DOCK4: variants seen among roughly 807,000 people sequenced by gnomAD.
The protein encoded by DOCK4 is dedicator of cytokinesis protein 4.
In DOCK4, 97 loss-of-function variants were observed where a neutral mutation model predicts 268.1. That is an observed-to-expected ratio of 0.36 (90% CI 0.31 to 0.43). The LOEUF is 0.43. DOCK4 is among the 20% of genes least tolerant of loss of function. DOCK4 has a pLI of 1.00. For missense variants in DOCK4, 2,145 were observed against 2,455.7 expected, an observed-to-expected ratio of 0.87 and a Z score of 2.67; for synonymous variants, 954 against 887.2, an observed-to-expected ratio of 1.08 and a Z score of -1.34.
intron 25 of DOCK4, among the ~76,000 whole-genome samples, chr7:111,835,950 T>C (rs1448927366): frequency 6.6e-6 from 1 of 152,176 alleles, no homozygotes; most frequent in East Asian, 1.9e-4. Flanking sequence ...TATACATTTT[T>C]TAGGGTAAAT....
chr7:111,729,600 T>C (rs17158765), intron 52 of DOCK4, among the ~76,000 whole-genome samples: 2,113 of 152,156 alleles, frequency 0.014, 26 homozygotes, highest in African/African-American at 0.026. Flanking sequence ...ACATTAGTCC[T>C]ATAGTTTGGA....
At chr7:111,884,956 A>G (rs938152587) in intron 16 of DOCK4, among the ~76,000 whole-genome samples, 3 of 152,222 alleles carry the variant, frequency 2.0e-5, no homozygotes, top group Non-Finnish European at 4.4e-5. Flanking sequence ...AGAACCAGCC[A>G]GGGAGTCAGT....
chr7:111,975,835 A>G (rs914663571), intron 8 of DOCK4, among the ~76,000 whole-genome samples: 2 of 152,066 alleles, frequency 1.3e-5, no homozygotes, highest in South Asian at 4.1e-4. Flanking sequence ...AAACTATTTT[A>G]CCAGAAAAGA....
intron 8 of DOCK4, among the ~76,000 whole-genome samples, chr7:111,960,652 T>C (rs1190159331): frequency 2.0e-5 from 3 of 151,698 alleles, no homozygotes; most frequent in African/African-American, 7.3e-5. Flanking sequence ...CTTGGACTTA[T>C]TCCTCCTAAC....
intron 1 of DOCK4, among the ~76,000 whole-genome samples, chr7:112,172,739 T>G (rs2116617422): frequency 6.6e-6 from 1 of 152,328 alleles, no homozygotes; most frequent in South Asian, 2.1e-4. Flanking sequence ...TAAGGATATA[T>G]CAAATACATA....
At chr7:111,902,478 GT>G (rs1368868759) in intron 13 of DOCK4, among the ~76,000 whole-genome samples, 1 of 151,956 alleles carries the variant, frequency 6.6e-6, no homozygotes, top group Admixed American at 6.5e-5. Flanking sequence ...TAAAACTTGA[GT>G]TTTTAAAAAT....
At chr7:112,029,568 T>C (rs1445885781) in intron 1 of DOCK4, among the ~76,000 whole-genome samples, 1 of 152,352 alleles carries the variant, frequency 6.6e-6, no homozygotes, top group East Asian at 1.9e-4. Flanking sequence ...GAACTGTTAG[T>C]AACCCTTGAA....
intron 12 of DOCK4, among the ~76,000 whole-genome samples, chr7:111,919,643 G>A (rs543798044): frequency 6.6e-6 from 1 of 152,302 alleles, no homozygotes; most frequent in South Asian, 2.1e-4. Flanking sequence ...GGCAGTTACT[G>A]CCATTTGGAG....
intron 1 of DOCK4, among the ~76,000 whole-genome samples, chr7:112,120,216 A>G (rs1278597162): frequency 6.6e-6 from 1 of 152,202 alleles, no homozygotes; most frequent in Non-Finnish European, 1.5e-5. Flanking sequence ...TACAAACACC[A>G]ACATTACTAA....
At chr7:112,119,876 C>T (rs1455261194) in intron 1 of DOCK4, among the ~76,000 whole-genome samples, 2 of 149,718 alleles carry the variant, frequency 1.3e-5, no homozygotes, top group African/African-American at 2.5e-5. Flanking sequence ...GAGATGGAGT[C>T]TCACTCTGTC....
chr7:111,829,730 C>T (rs1802674169), intron 26 of DOCK4, among the ~76,000 whole-genome samples: 1 of 152,176 alleles, frequency 6.6e-6, no homozygotes, highest in African/African-American at 2.4e-5. Context: ...CTGCTTAGAA[C>T]AGTGCCTGAT....
At chr7:111,732,373 A>C in intron 51 of DOCK4, 86 bp from the exon 52 acceptor site, 3 of 1,409,264 alleles carry the variant, frequency 2.1e-6, no homozygotes, top group Non-Finnish European at 3.0e-6. Flanking sequence ...TACAAACCCA[A>C]ACAGATGATC....
chr7:111,894,545 G>A (rs1808579625), intron 16 of DOCK4, among the ~76,000 whole-genome samples: 1 of 152,142 alleles, frequency 6.6e-6, no homozygotes, highest in Non-Finnish European at 1.5e-5. Flanking sequence ...AGGAAGCAGG[G>A]GACAGTTTCT....
intron 1 of DOCK4, among the ~76,000 whole-genome samples, chr7:112,029,841 T>C (rs116123823): frequency 0.019 from 2,905 of 152,312 alleles, 94 homozygotes; most frequent in African/African-American, 0.065. Flanking sequence ...TTGTGCAAAA[T>C]ATGGCTAAAA....
At chr7:111,872,162 T>G in intron 19 of DOCK4, 72 bp from the exon 20 acceptor site, 1 of 1,402,772 alleles carries the variant, frequency 7.1e-7, no homozygotes, top group South Asian at 1.4e-5. Flanking sequence ...TGCTTCTTTT[T>G]AAAATGAACT....
At chr7:112,021,015 A>T (rs900106528) in intron 1 of DOCK4, among the ~76,000 whole-genome samples, 5 of 152,212 alleles carry the variant, frequency 3.3e-5, no homozygotes, top group African/African-American at 1.2e-4. Context: ...ACGAAGGTGG[A>T]GGCCAAGTGA....
chr7:112,146,363 C>T (rs1815491467), intron 1 of DOCK4, among the ~76,000 whole-genome samples: 1 of 152,152 alleles, frequency 6.6e-6, no homozygotes, highest in Non-Finnish European at 1.5e-5. Context: ...TTCCTGGTCA[C>T]TGTGATTTCA....
At chr7:112,024,103 A>G (rs1387176463) in intron 1 of DOCK4, among the ~76,000 whole-genome samples, 2 of 152,216 alleles carry the variant, frequency 1.3e-5, no homozygotes, top group Admixed American at 6.5e-5. Context: ...GACTATTTAT[A>G]TATGTATCTT....
chr7:112,018,425 C>A (rs1162419088), intron 1 of DOCK4, among the ~76,000 whole-genome samples: 1 of 152,150 alleles, frequency 6.6e-6, no homozygotes, highest in East Asian at 1.9e-4. Context: ...CAACTCAGCA[C>A]TTATCAATTA....
Sources: gnomAD v4.1 joint callset for allele counts (sites outside exome capture counted in the v4.1 genomes callset) on GRCh38, gnomAD v4.1.1 for gene constraint, MANE v1.5 for transcripts, NCBI Gene and HGNC (gene_info 2026-07-23, HGNC 2026-07-21) for gene names.